The following NUTM2B variants were observed in gnomAD, a reference collection of about 807,000 sequenced individuals.
NUTM2B encodes NUT family member 2B, also known as family with sequence similarity 22, member B.
In NUTM2B, 2 loss-of-function variants were observed where a neutral mutation model predicts 42.4. That is an observed-to-expected ratio of 0.05 (90% CI 0.02 to 0.15). The LOEUF is 0.15. NUTM2B is among the 10% of genes least tolerant of loss of function. NUTM2B has a pLI of 1.00. For synonymous variants in NUTM2B, 18 were observed against 402.4 expected (o/e 0.04, Z 11.43); for missense variants, 58 against 952.6 (o/e 0.06, Z 12.36).
the NUTM2B span, chr10:79,692,200 C>T: frequency 2.0e-5 from 3 of 152,266 alleles, no homozygotes; most frequent in Non-Finnish European, 2.9e-5. Flanking sequence ...GGGGCCTATA[C>T]TAGGGAAATG....
At chr10:79,697,651 T>C in the NUTM2B span, among the ~76,000 whole-genome samples, 1 of 152,230 alleles carries the variant, frequency 6.6e-6, no homozygotes, top group African/African-American at 2.4e-5. Flanking sequence ...CAAATTTCTA[T>C]TTTTTTCTTT....
chr10:79,700,309 A>T (rs1840290131), upstream of NUTM2B, among the ~76,000 whole-genome samples: 1 of 151,894 alleles, frequency 6.6e-6, no homozygotes, highest in African/African-American at 2.4e-5. Context: ...CGGGGACAGG[A>T]GCTACTTCTT....
upstream of NUTM2B, among the ~76,000 whole-genome samples, chr10:79,699,415 A>C (rs1840273813): frequency 6.6e-6 from 1 of 151,836 alleles, no homozygotes; most frequent in South Asian, 2.1e-4. Context: ...TCTCACTCCT[A>C]CACACTCTCA....
the NUTM2B span, among the ~76,000 whole-genome samples, chr10:79,698,182 CA>C: frequency 1.4e-5 from 2 of 147,714 alleles, no homozygotes; most frequent in African/African-American, 2.5e-5. Context: ...AAAAAAACCA[CA>C]AAAACACCAA....
chr10:79,693,733 GCAGA>G, the NUTM2B span, among the ~76,000 whole-genome samples: 1 of 152,290 alleles, frequency 6.6e-6, no homozygotes, highest in South Asian at 2.1e-4. Context: ...TATTATAAAA[GCAGA>G]CAGAGCTCCA....
the NUTM2B span, among the ~76,000 whole-genome samples, chr10:79,695,231 T>G: frequency 6.6e-6 from 1 of 152,144 alleles, no homozygotes; most frequent in South Asian, 2.1e-4. Context: ...CAGGCCCTTG[T>G]GCCTGAAGAC....
chr10:79,694,675 C>A, the NUTM2B span, among the ~76,000 whole-genome samples: 1 of 152,244 alleles, frequency 6.6e-6, no homozygotes, highest in African/African-American at 2.4e-5. Flanking sequence ...CAGCACCCAA[C>A]ATGCTGAGAG....
At chr10:79,692,985 C>G in the NUTM2B span, among the ~76,000 whole-genome samples, 4 of 152,176 alleles carry the variant, frequency 2.6e-5, no homozygotes, top group African/African-American at 9.7e-5. Flanking sequence ...TGGGTCTGGG[C>G]AAGGAAGGAG....
chr10:79,699,772 CCACA>C (rs1450567669), upstream of NUTM2B, among the ~76,000 whole-genome samples: 1 of 152,132 alleles, frequency 6.6e-6, no homozygotes, highest in Non-Finnish European at 1.5e-5. Context: ...TCTGCAGTCT[CCACA>C]CAGACACCAC....
chr10:79,709,702 G>A lies in NUTM2B; in HGVS notation c.1212-98G>A, dbSNP rs1232183520. On this transcript the variant is annotated intron_variant, in intron 3 of 6. Coordinates refer to ENST00000429828, the Ensembl canonical transcript of NUTM2B. ...CAGTGAGGGCCTGGACAGCCCACCCGAGGCACTCCCTCCTATCCCTGCCCT... is the reference window on the plus strand; with the variant it reads ...CAGTGAGGGCCTGGACAGCCCACCCAAGGCACTCCCTCCTATCCCTGCCCT... 305 of 713,064 alleles carry A rather than the reference G, an allele frequency of 4.3e-4. 85 individuals carry two copies. The East Asian group carries it at 9.6e-3, about 22-fold the overall frequency. 44.2% of individuals were successfully genotyped at this position (713,064 alleles called of 1,614,324 possible). A position where few individuals can be genotyped will look rare whatever the true frequency, so the allele number is the denominator to read the frequency against.
chr10:79,695,940 T>A, the NUTM2B span, among the ~76,000 whole-genome samples: 17 of 149,854 alleles, frequency 1.1e-4, no homozygotes, highest in Non-Finnish European at 2.4e-4. Flanking sequence ...GAAACTACCA[T>A]TTATATGGAT....
At chr10:79,698,418 C>T (rs1840261142), upstream of NUTM2B, among the ~76,000 whole-genome samples, 2 of 147,776 alleles carry the variant, frequency 1.4e-5, no homozygotes, top group South Asian at 2.2e-4. Flanking sequence ...CTAACAATCC[C>T]GTATTCTATA....
At chr10:79,692,685 G>A in the NUTM2B span, among the ~76,000 whole-genome samples, 1 of 152,188 alleles carries the variant, frequency 6.6e-6, no homozygotes, top group Non-Finnish European at 1.5e-5. Flanking sequence ...CTGTGTCCTT[G>A]CTGGTAGAAC....
At chr10:79,702,456 C>A (rs1840328788), upstream of NUTM2B, among the ~76,000 whole-genome samples, 1 of 151,026 alleles carries the variant, frequency 6.6e-6, no homozygotes, top group Admixed American at 6.6e-5. Context: ...TGGGGGAGAA[C>A]CCTGGGCTTG....
At chr10:79,698,331 C>G (rs529869128), upstream of NUTM2B, among the ~76,000 whole-genome samples, 31 of 152,152 alleles carry the variant, frequency 2.0e-4, no homozygotes, top group African/African-American at 6.5e-4. Flanking sequence ...AATACAACCT[C>G]CTCACCTCAT....
intron 3 of NUTM2B, among the ~76,000 whole-genome samples, chr10:79,709,173 C>A (rs1246972289): frequency 8.5e-6 from 1 of 118,076 alleles, no homozygotes; most frequent in Non-Finnish European, 1.7e-5. Flanking sequence ...GAGTAGGGTG[C>A]AGGCTCCTCA....
At chr10:79,695,307 TGAG>T in the NUTM2B span, among the ~76,000 whole-genome samples, 1 of 152,190 alleles carries the variant, frequency 6.6e-6, no homozygotes, top group Non-Finnish European at 1.5e-5. Context: ...TTCCTCAGGC[TGAG>T]TATACATTTT....
chr10:79,710,970 GGT>G (rs1331939051), intron 5 of NUTM2B, among the ~76,000 whole-genome samples: 1 of 134,462 alleles, frequency 7.4e-6, no homozygotes, highest in Non-Finnish European at 1.6e-5. Flanking sequence ...TGTCTGTGTA[GGT>G]GTGAGTGTGG....
chr10:79,694,951 C>A, the NUTM2B span, among the ~76,000 whole-genome samples: 2 of 152,134 alleles, frequency 1.3e-5, no homozygotes, highest in Non-Finnish European at 2.9e-5. Flanking sequence ...CTCAGGGGTG[C>A]CCCAGACAGG....
Sources: allele counts gnomAD v4.1 joint callset (sites outside exome capture counted in the v4.1 genomes callset), GRCh38; gene constraint gnomAD v4.1.1; transcripts MANE v1.5; gene names NCBI Gene and HGNC (gene_info 2026-07-23, HGNC 2026-07-21).